The following CPOX variants were observed in gnomAD, a reference collection of about 807,000 sequenced individuals.
CPOX encodes oxygen-dependent coproporphyrinogen-III oxidase, mitochondrial.
Under a neutral mutation model 48.9 loss-of-function variants are expected in CPOX, and 24 were observed. The ratio of observed to expected loss-of-function variants is 0.49; its 90% confidence interval spans 0.36 to 0.69. The LOEUF (loss-of-function observed/expected upper bound fraction) is 0.69. Ranked by LOEUF, CPOX falls within the 30% of genes least tolerant of loss-of-function variation. The probability of loss-of-function intolerance (pLI) is 0.00; values close to 1 mark genes in which losing one functional copy is unlikely to be tolerated. For missense variants in CPOX, 549 were observed against 597.3 expected (o/e 0.92, Z 0.84); for synonymous variants, 249 against 234.6 (o/e 1.06, Z -0.56).
intron 6 of CPOX, 87 bp from the exon 7 acceptor site, chr3:98,580,857 T>TA: frequency 1.5e-6 from 2 of 1,350,536 alleles, no homozygotes; most frequent in Admixed American, 2.4e-5. Flanking sequence ...AATAAAATCC[T>TA]AAGAATAAAA....
At chr3:98,591,783 T>A (rs116641970) in intron 1 of CPOX, among the ~76,000 whole-genome samples, 1 of 152,154 alleles carries the variant, frequency 6.6e-6, no homozygotes, top group Non-Finnish European at 1.5e-5. Flanking sequence ...TAAGAACATT[T>A]AGAGCTGGAT....
At chr3:98,584,486 A>G (rs1417146514) in intron 5 of CPOX, among the ~76,000 whole-genome samples, 1 of 152,258 alleles carries the variant, frequency 6.6e-6, no homozygotes, top group Non-Finnish European at 1.5e-5. Context: ...ACAGGCAGTC[A>G]TAAGAAAGGA....
downstream of CPOX, among the ~76,000 whole-genome samples, chr3:98,576,069 C>T: frequency 1.8e-5 from 1 of 55,120 alleles, no homozygotes; most frequent in Non-Finnish European, 3.2e-5. Context: ...TGAAACTCTG[C>T]CTCAAAAAAA....
chr3:98,574,656 A>G (rs961406492), downstream of CPOX, among the ~76,000 whole-genome samples: 2 of 152,188 alleles, frequency 1.3e-5, no homozygotes, highest in African/African-American at 4.8e-5. Flanking sequence ...ATCTTGGCTC[A>G]CTGCACCCCC....
At chr3:98,585,137 G>C (rs973387290) in intron 5 of CPOX, among the ~76,000 whole-genome samples, 10 of 152,162 alleles carry the variant, frequency 6.6e-5, no homozygotes, top group Non-Finnish European at 1.5e-4. Flanking sequence ...ATTAAATGAA[G>C]TCTACATCTT....
intron 2 of CPOX, 46 bp downstream of exon 2, chr3:98,590,966 A>T: frequency 1.2e-6 from 2 of 1,603,326 alleles, no homozygotes; most frequent in Non-Finnish European, 8.5e-7. Context: ...TGGGCAAAAT[A>T]AGGTTTGCAG....
chr3:98,578,294 T>A, downstream of CPOX: 1 of 916,612 alleles, frequency 1.1e-6, no homozygotes, highest in Non-Finnish European at 1.3e-6. Context: ...CACAGAAAAA[T>A]TTTATCTTCA....
chr3:98,575,295 A>C (rs1026976625), downstream of CPOX, among the ~76,000 whole-genome samples: 1 of 152,240 alleles, frequency 6.6e-6, no homozygotes, highest in Non-Finnish European at 1.5e-5. Context: ...GCATCAACCT[A>C]TTGAAACCAT....
At chr3:98,586,194 C>G (rs542252259) in intron 4 of CPOX, among the ~76,000 whole-genome samples, 125 of 152,234 alleles carry the variant, frequency 8.2e-4, no homozygotes, top group African/African-American at 2.8e-3. Context: ...ATTTTCAAGG[C>G]GAACAGGCAA....
At chr3:98,570,963 T>C in the CPOX span, among the ~76,000 whole-genome samples, 1 of 152,380 alleles carries the variant, frequency 6.6e-6, no homozygotes, top group Admixed American at 6.5e-5. Context: ...ATTGCATGTA[T>C]TGTTCTGCAG....
intron 3 of CPOX, among the ~76,000 whole-genome samples, 182 bp from the exon 4 acceptor site, chr3:98,589,036 G>A (rs780809533): frequency 8.5e-5 from 13 of 152,194 alleles, no homozygotes; most frequent in Non-Finnish European, 1.9e-4. Context: ...AGAGGTAAAA[G>A]CGGCCAGGCG....
At chr3:98,586,277 T>TA (rs1707362326) in intron 4 of CPOX, among the ~76,000 whole-genome samples, 1 of 152,178 alleles carries the variant, frequency 6.6e-6, no homozygotes, top group African/African-American at 2.4e-5. Context: ...CCAATATCGA[T>TA]AGTGTATTTC....
At chr3:98,581,552 T>A (rs1559674006) in intron 5 of CPOX, 41 bp from the exon 6 acceptor site, 1 of 1,487,326 alleles carries the variant, frequency 6.7e-7, no homozygotes, top group East Asian at 2.3e-5. Flanking sequence ...GCCAGCTCAA[T>A]AAAATCTTAA....
chr3:98,581,401 C>A lies in CPOX; in HGVS notation c.1277+6G>T. ...GGATAACTACTAAAATGAGTTATCT[C>A]CTTACCGGGCAGTTAGAGGTAAAGA... On this transcript the variant is annotated splice_donor_region_variant and intron_variant, in intron 6 of 6. Coordinates refer to ENST00000647941, the MANE Select transcript of CPOX (RefSeq NM_000097.7). 1 of 1,603,524 alleles carries A rather than the reference C, an allele frequency of 6.2e-7. No homozygotes were observed. Among genetic ancestry groups the A allele is most frequent in the Non-Finnish European group, 8.5e-7 (1 of 1,170,678 alleles).
Position 98,581,291 on chromosome 3 carries a change from A to G in CPOX, c.1277+116T>C, listed in dbSNP as rs1576297608. On this transcript the variant is annotated intron_variant, in intron 6 of 6. Coordinates refer to ENST00000647941, the MANE Select transcript of CPOX (RefSeq NM_000097.7). ...ACTGTGATTTTCTTATAAAATCAGC[A>G]AAGTCAAAACTAACAAAGACCTAGG... is the stretch of plus-strand genomic sequence containing the variant. The G allele has an allele frequency of 6.3e-6, 5 of 797,020 alleles. No individual in the cohort carries two copies. The East Asian group carries it at 7.9e-5, about 13-fold the overall frequency. The allele number at this position is 797,020 out of a possible 1,614,324, so 49.4% of individuals were successfully genotyped here.
downstream of CPOX, among the ~76,000 whole-genome samples, chr3:98,577,669 G>A (rs1471702254): frequency 1.3e-5 from 2 of 152,146 alleles, no homozygotes; most frequent in East Asian, 3.8e-4. Context: ...TGAAGAAAGT[G>A]ACACTACATA....
At chr3:98,591,189 A>T in intron 1 of CPOX, 34 bp from the exon 2 acceptor site, 2 of 1,613,668 alleles carry the variant, frequency 1.2e-6, no homozygotes, top group Non-Finnish European at 1.7e-6. Flanking sequence ...GAGAGAATGT[A>T]AGAGTATGTG....
At chr3:98,588,010 T>C (rs1056318940) in intron 4 of CPOX, among the ~76,000 whole-genome samples, 1 of 152,220 alleles carries the variant, frequency 6.6e-6, no homozygotes, top group Non-Finnish European at 1.5e-5. Flanking sequence ...TCATCTTTCC[T>C]GACGATTTTA....
At chr3:98,575,893 C>T (rs1707154488), downstream of CPOX, among the ~76,000 whole-genome samples, 1 of 151,028 alleles carries the variant, frequency 6.6e-6, no homozygotes, top group Admixed American at 6.6e-5. Flanking sequence ...CATGGTGAAA[C>T]CTTGTCTCTA....
Sources: gnomAD v4.1 joint callset for allele counts (sites outside exome capture counted in the v4.1 genomes callset) on GRCh38, gnomAD v4.1.1 for gene constraint, MANE v1.5 for transcripts, NCBI Gene and HGNC (gene_info 2026-07-23, HGNC 2026-07-21) for gene names.